RSRC1: variants seen among roughly 807,000 people sequenced by gnomAD.
RSRC1 encodes arginine and serine rich coiled-coil 1.
In RSRC1, 39 loss-of-function variants were observed where a neutral mutation model predicts 49.1. The ratio of observed to expected loss-of-function variants is 0.79; its 90% CI spans 0.61 to 1.04. The LOEUF (loss-of-function observed/expected upper bound fraction) is 1.04. Among genes scored for constraint, RSRC1 ranks in the 50% least tolerant of loss-of-function variants. RSRC1 has a pLI of 0.00. For missense variants in RSRC1, 388 were observed against 402.4 expected (o/e 0.96, Z 0.31); for synonymous variants, 143 against 130.8 (o/e 1.09, Z -0.63).
intron 4 of RSRC1, among the ~76,000 whole-genome samples, chr3:158,264,547 T>A (rs191104709): frequency 6.6e-6 from 1 of 152,336 alleles, no homozygotes. Context: ...GAAGTTCACA[T>A]CTACTATGTC....
intron 4 of RSRC1, among the ~76,000 whole-genome samples, chr3:158,221,915 C>G (rs1282747435): frequency 6.6e-6 from 1 of 151,520 alleles, no homozygotes; most frequent in Non-Finnish European, 1.5e-5. Context: ...GCTGATTTAT[C>G]TATACTTCCA....
chr3:158,173,394 T>C (rs569922522), intron 3 of RSRC1, among the ~76,000 whole-genome samples: 57 of 152,146 alleles, frequency 3.7e-4, no homozygotes, highest in African/African-American at 1.4e-3. Flanking sequence ...TATTTATTTT[T>C]AATAAAAGCA....
chr3:158,115,116 A>G (rs766316846), intron 1 of RSRC1, among the ~76,000 whole-genome samples: 1 of 152,108 alleles, frequency 6.6e-6, no homozygotes, highest in South Asian at 2.1e-4. Flanking sequence ...CTCATTCCGT[A>G]TGATATTGGC....
chr3:158,296,050 C>A (rs1299318471), intron 4 of RSRC1, among the ~76,000 whole-genome samples: 1 of 152,078 alleles, frequency 6.6e-6, no homozygotes, highest in Admixed American at 6.6e-5. Flanking sequence ...TTTCTAAAAT[C>A]TGAAATATTC....
At chr3:158,460,859 T>C (rs1316415324) in intron 6 of RSRC1, 76 bp from the exon 7 acceptor site, 5 of 839,994 alleles carry the variant, frequency 6.0e-6, no homozygotes, top group East Asian at 3.0e-5. Flanking sequence ...AATGAATTTC[T>C]AGTCCCTTTA....
chr3:158,152,865 A>G lies in RSRC1; in HGVS notation c.320+28874A>G, dbSNP rs568314197. On this transcript the variant is annotated intron_variant, in intron 3 of 9. Transcript: ENST00000611884. ...GGCTTCTGTTGTATTTGATTATTGTACATGTTTTATCTTAGGCTTAAAAGC... is the reference window on the plus strand; with the variant it reads ...GGCTTCTGTTGTATTTGATTATTGTGCATGTTTTATCTTAGGCTTAAAAGC... Among the ~76,000 whole-genome samples, 28 of 152,302 alleles carry G rather than the reference A, an allele frequency of 1.8e-4. No homozygotes were observed. The South Asian group carries it at 5.6e-3, about 30-fold the overall frequency.
At chr3:158,153,831 A>G (rs1180550104) in intron 3 of RSRC1, among the ~76,000 whole-genome samples, 1 of 93,584 alleles carries the variant, frequency 1.1e-5, no homozygotes, top group Non-Finnish European at 2.1e-5. Flanking sequence ...TTATTGGTAT[A>G]TAAAACTTCT....
chr3:158,358,555 T>A (rs1018118696), intron 6 of RSRC1, among the ~76,000 whole-genome samples: 18 of 152,224 alleles, frequency 1.2e-4, no homozygotes, highest in African/African-American at 3.1e-4. Context: ...AGGGTTTTTT[T>A]AATCAAATAT....
chr3:158,460,501 A>C (rs1419292774), intron 6 of RSRC1, among the ~76,000 whole-genome samples: 1 of 151,928 alleles, frequency 6.6e-6, no homozygotes, highest in African/African-American at 2.4e-5. Flanking sequence ...AATGAACAAA[A>C]AAGTATGCTA....
chr3:158,424,005 A>G (rs374296821), intron 6 of RSRC1, among the ~76,000 whole-genome samples: 1 of 151,038 alleles, frequency 6.6e-6, no homozygotes, highest in Non-Finnish European at 1.5e-5. Context: ...ATATACAATC[A>G]TGTCGTCTGC....
intron 3 of RSRC1, among the ~76,000 whole-genome samples, chr3:158,137,912 G>A (rs1020698409): frequency 1.3e-5 from 2 of 152,064 alleles, no homozygotes; most frequent in African/African-American, 2.4e-5. Flanking sequence ...TGATCTGCCC[G>A]CCTCAGCCTC....
In RSRC1 at chr3:158,251,967, T is replaced by C. The variant is rs193279707; in HGVS notation, c.495-46072T>C. 4.8e-4 allele frequency among the ~76,000 whole-genome samples: 73 copies of C among 152,296 alleles called. 1 individual carries two copies. The highest frequency in any genetic ancestry group is 4.8e-3 in the Admixed American group (73 of 15,308). ...AGCTGTGGGTCTGTCATATATGGCT[T>C]TTATTACATTGAGATATTTTCCTTC... is the stretch of plus-strand genomic sequence containing the variant. On this transcript the variant is annotated intron_variant, in intron 4 of 9. Coordinates refer to ENST00000611884, the MANE Select transcript of RSRC1 (RefSeq NM_001271838.2).
chr3:158,495,990 TACAC>T (rs1739302935), intron 7 of RSRC1, among the ~76,000 whole-genome samples: 1 of 152,208 alleles, frequency 6.6e-6, no homozygotes, highest in South Asian at 2.1e-4. Context: ...TATATATACA[TACAC>T]ACATATGTTA....
chr3:158,399,123 C>CCTTTTTTTT (rs1733766785), intron 6 of RSRC1, among the ~76,000 whole-genome samples: 1 of 30,098 alleles, frequency 3.3e-5, no homozygotes, highest in African/African-American at 1.1e-4. Flanking sequence ...CTATTATTTC[C>CCTTTTTTTT]TTTTTTTTTT....
chr3:158,474,253 T>A (rs1738273314), intron 7 of RSRC1, among the ~76,000 whole-genome samples: 1 of 152,188 alleles, frequency 6.6e-6, no homozygotes, highest in Non-Finnish European at 1.5e-5. Flanking sequence ...CCAGTCACAC[T>A]AATTTTTTTG....
chr3:158,161,794 G>A (rs1559924479), intron 3 of RSRC1, among the ~76,000 whole-genome samples: 1 of 151,938 alleles, frequency 6.6e-6, no homozygotes. Flanking sequence ...AAAATAAAAT[G>A]TGTGGCTACA....
At position 158,172,979 on chromosome 3, in the gene RSRC1, G is replaced by GT. The variant is rs1236540303; in HGVS notation, c.321-30087dup. ...ACTTGATGTTGACTTAGGATATGTGGTTTTTTAAAAGATAACCTTGTTTCA... is the reference window on the plus strand; with the variant it reads ...ACTTGATGTTGACTTAGGATATGTGGTTTTTTTAAAAGATAACCTTGTTTCA... On this transcript the variant is annotated intron_variant, in intron 3 of 9. Coordinates refer to ENST00000611884, the MANE Select transcript of RSRC1 (RefSeq NM_001271838.2). Among the ~76,000 whole-genome samples, 7 of 151,990 alleles carry GT rather than the reference G, an allele frequency of 4.6e-5. No homozygotes were observed. In the East Asian group the frequency reaches 7.7e-4, roughly 17 times the overall value.
intron 7 of RSRC1, among the ~76,000 whole-genome samples, chr3:158,488,337 T>G (rs562223307): frequency 1.3e-5 from 2 of 152,190 alleles, no homozygotes; most frequent in Non-Finnish European, 2.9e-5. Context: ...TACTGTTATG[T>G]AAAAGAATTG....
intron 3 of RSRC1, among the ~76,000 whole-genome samples, chr3:158,151,899 T>A (rs1262310488): frequency 6.6e-6 from 1 of 152,136 alleles, no homozygotes; most frequent in Non-Finnish European, 1.5e-5. Context: ...GCATTATGAT[T>A]TAACTATGTA....
Sources: allele counts gnomAD v4.1 joint callset (sites outside exome capture counted in the v4.1 genomes callset), GRCh38; gene constraint gnomAD v4.1.1; transcripts MANE v1.5; gene names NCBI Gene and HGNC (gene_info 2026-07-23, HGNC 2026-07-21).